DPP10: variants seen among roughly 807,000 people sequenced by gnomAD.
DPP10 encodes the protein dipeptidyl peptidase like 10.
A neutral mutation model predicts 120.9 loss-of-function variants in DPP10; 33 were observed. That is an observed-to-expected ratio of 0.27 (90% CI 0.21 to 0.37). The LOEUF (loss-of-function observed/expected upper bound fraction) is 0.37, where lower values mean the gene tolerates loss of function less well. DPP10 is among the 10% of genes least tolerant of loss of function. The pLI, the probability that DPP10 is intolerant of heterozygous loss-of-function variation, is 1.00. For missense variants in DPP10, 816 were observed against 942.8 expected (o/e 0.87, Z 1.76); for synonymous variants, 337 against 326.1 (o/e 1.03, Z -0.36).
intron 1 of DPP10, among the ~76,000 whole-genome samples, chr2:114,923,956 T>C (rs1015023162): frequency 7.2e-5 from 11 of 152,166 alleles, no homozygotes; most frequent in African/African-American, 2.7e-4. Context: ...ACTCCTTGAC[T>C]CAAGCAGTCC....
At chr2:115,105,422 T>TGAGAGAGAGAGAGAGAGAGA (rs10565038) in intron 1 of DPP10, among the ~76,000 whole-genome samples, 2 of 146,130 alleles carry the variant, frequency 1.4e-5, no homozygotes, top group African/African-American at 2.5e-5. Context: ...TGTCACATGG[T>TGAGAGAGAGAGAGAGAGAGA]GAGAGAGAGA....
In DPP10 at chr2:115,760,005, G is replaced by A. The variant is rs576838346; in HGVS notation, c.1075-2567G>A. Among the ~76,000 whole-genome samples the A allele has an allele frequency of 1.7e-4, 25 of 149,272 alleles. No individual in the cohort carries two copies. In the South Asian group the frequency reaches 2.1e-3, roughly 13 times the overall value. ...GTCTGGGCAACAAGAGTGAAACTCC[G>A]TCACAAAAAAAAAATACAAAAAACA... On this transcript the variant is annotated intron_variant, in intron 11 of 25. Transcript: ENST00000410059.
chr2:115,725,669 A>G (rs553042861), intron 7 of DPP10, among the ~76,000 whole-genome samples: 71 of 152,334 alleles, frequency 4.7e-4, no homozygotes, highest in South Asian at 3.5e-3. Flanking sequence ...GAGAATTCAG[A>G]ACCATATTAC....
chr2:115,209,170 A>C (rs1298529999), intron 1 of DPP10, among the ~76,000 whole-genome samples: 1 of 152,142 alleles, frequency 6.6e-6, no homozygotes, highest in Non-Finnish European at 1.5e-5. Flanking sequence ...TTAAGCTGTA[A>C]TCAAGTTAAA....
intron 1 of DPP10, among the ~76,000 whole-genome samples, chr2:115,304,146 A>C (rs2061263009): frequency 6.6e-6 from 1 of 152,076 alleles, no homozygotes; most frequent in Non-Finnish European, 1.5e-5. Context: ...ACTAAAAGAC[A>C]GTTCAAACTT....
At chr2:115,501,637 G>T (rs2076688602) in intron 4 of DPP10, among the ~76,000 whole-genome samples, 1 of 152,006 alleles carries the variant, frequency 6.6e-6, no homozygotes, top group African/African-American at 2.4e-5. Context: ...AGTCCTAGAG[G>T]TGTCTAAATT....
At position 115,842,779 on chromosome 2, in the gene DPP10, A is replaced by C. The variant is rs1187435677; in HGVS notation, c.*434A>C. 1 of 153,438 alleles carries C rather than the reference A, an allele frequency of 6.5e-6. No individual in the cohort carries two copies. Among genetic ancestry groups the C allele is most frequent in the Non-Finnish European group, 1.5e-5 (1 of 68,608 alleles). The allele number at this position is 153,438 out of a possible 1,614,324, so 9.5% of individuals were successfully genotyped here. On this transcript the variant is annotated 3_prime_UTR_variant, in exon 26 of 26. Coordinates refer to ENST00000410059, the MANE Select transcript of DPP10 (RefSeq NM_020868.6). The stretch of plus-strand genomic sequence containing the variant: ...CAATCTAACACTTTACTGTACCTTT[A>C]TAATAAGTGCAATTCTTTCATTGTC...
At chr2:115,446,775 T>C (rs2072635688) in intron 3 of DPP10, among the ~76,000 whole-genome samples, 1 of 152,134 alleles carries the variant, frequency 6.6e-6, no homozygotes, top group African/African-American at 2.4e-5. Flanking sequence ...CTGGGGCCCA[T>C]TGTATTAGTG....
At chr2:115,714,654 C>A (rs1007478193) in intron 7 of DPP10, among the ~76,000 whole-genome samples, 2 of 151,988 alleles carry the variant, frequency 1.3e-5, no homozygotes, top group African/African-American at 4.8e-5. Flanking sequence ...TCTTTCTATA[C>A]ACAGCATTTT....
At chr2:115,549,063 G>A (rs1356134764) in intron 5 of DPP10, among the ~76,000 whole-genome samples, 2 of 152,058 alleles carry the variant, frequency 1.3e-5, no homozygotes, top group Admixed American at 6.6e-5. Flanking sequence ...ACTTAATCAG[G>A]CCTCTTAGTT....
intron 1 of DPP10, among the ~76,000 whole-genome samples, chr2:114,803,912 C>G (rs569401694): frequency 2.0e-5 from 3 of 152,310 alleles, no homozygotes; most frequent in South Asian, 4.1e-4. Context: ...TCCCCAAGAC[C>G]ATGGGGAAAA....
At chr2:114,625,244 T>C (rs971619527) in intron 1 of DPP10, among the ~76,000 whole-genome samples, 5 of 151,960 alleles carry the variant, frequency 3.3e-5, no homozygotes, top group African/African-American at 4.8e-5. Flanking sequence ...TTTCACCAAG[T>C]GCAGATTTTG....
chr2:114,824,122 G>A (rs1686327455), intron 1 of DPP10, among the ~76,000 whole-genome samples: 1 of 152,186 alleles, frequency 6.6e-6, no homozygotes, highest in Non-Finnish European at 1.5e-5. Context: ...AACCAGAGTA[G>A]TCTTATGTGT....
intron 3 of DPP10, among the ~76,000 whole-genome samples, chr2:115,423,585 C>G (rs542774015): frequency 6.6e-6 from 1 of 152,140 alleles, no homozygotes; most frequent in African/African-American, 2.4e-5. Context: ...TTGCCTGGGA[C>G]AGTAGCAGAG....
intron 1 of DPP10, among the ~76,000 whole-genome samples, chr2:115,153,536 C>T (rs1335906110): frequency 6.6e-5 from 10 of 152,148 alleles, no homozygotes; most frequent in East Asian, 1.9e-4. Context: ...TTGGTGTTTA[C>T]GGATTTGCAT....
chr2:114,827,700 T>G (rs535057729), intron 1 of DPP10, among the ~76,000 whole-genome samples: 22 of 152,156 alleles, frequency 1.4e-4, no homozygotes, highest in Non-Finnish European at 1.3e-4. Context: ...ATAAAAATGT[T>G]TTTCTTGTAA....
At chr2:114,862,583 T>C (rs1689897184) in intron 1 of DPP10, among the ~76,000 whole-genome samples, 1 of 151,870 alleles carries the variant, frequency 6.6e-6, no homozygotes. Flanking sequence ...AGAAGCTACA[T>C]GAGGAGCAGA....
At chr2:115,757,234 C>T (rs1179554541) in intron 11 of DPP10, among the ~76,000 whole-genome samples, 3 of 151,848 alleles carry the variant, frequency 2.0e-5, no homozygotes, top group African/African-American at 7.3e-5. Context: ...AAGAAAAATA[C>T]AAGAGACAAC....
rs368163275 is a variant in DPP10, at chr2:115,543,030, C to T, written c.441+17058C>T. Among the ~76,000 whole-genome samples the T allele has an allele frequency of 1.3e-4, 19 of 151,802 alleles. No homozygotes were observed. In the South Asian group the frequency reaches 1.7e-3, roughly 13 times the overall value. On this transcript the variant is annotated intron_variant, in intron 5 of 25. Transcript: ENST00000410059. The stretch of plus-strand genomic sequence containing the variant: ...ACCTTTAAGTAACTTTGGCATGAGA[C>T]GGGAAGCATATATTCTATTACTTTT...
Sources: gnomAD v4.1 joint callset for allele counts (sites outside exome capture counted in the v4.1 genomes callset) on GRCh38, gnomAD v4.1.1 for gene constraint, MANE v1.5 for transcripts, NCBI Gene and HGNC (gene_info 2026-07-23, HGNC 2026-07-21) for gene names.